RCAN1: variants seen among roughly 807,000 people sequenced by gnomAD.
The protein encoded by RCAN1 is regulator of calcineurin 1.
RCAN1 carries 11 observed loss-of-function variants against 22.9 expected under a neutral mutation model. The ratio of observed to expected loss-of-function variants is 0.48; its 90% CI spans 0.30 to 0.79. The LOEUF (loss-of-function observed/expected upper bound fraction) is 0.79, where lower values mean the gene tolerates loss of function less well. Among genes scored for constraint, RCAN1 ranks in the 30% least tolerant of loss-of-function variants. The probability of loss-of-function intolerance (pLI) is 0.06; values close to 1 mark genes in which losing one functional copy is unlikely to be tolerated. For missense variants in RCAN1, 291 were observed against 337.8 expected (o/e 0.86, Z 1.09); for synonymous variants, 136 against 142.3 (o/e 0.96, Z 0.32).
chr21:34,614,925 C>G lies in RCAN1; in HGVS notation c.87G>C (p.Thr29=). 1 of 1,377,852 alleles carries G rather than the reference C, an allele frequency of 7.3e-7. No individual in the cohort carries two copies. The highest frequency in any genetic ancestry group is 9.5e-7 in the Non-Finnish European group (1 of 1,055,454). The allele number at this position is 1,377,852 out of a possible 1,614,324, so 85.4% of individuals were successfully genotyped here. ...CCGAGAGGGGCGCGAAGGGCCGCAG[C>G]GTCACCCCGGGCCGCGCTCGCGCCT... is the stretch of plus-strand genomic sequence containing the variant. The part of the protein sequence containing the change: ...AAEARARPGV[T]LRPFAPLSGA... Residue 29 remains threonine (T), a synonymous_variant, in exon 1 of 4, where the codon ACG becomes ACC. Coordinates refer to ENST00000313806, the MANE Select transcript of RCAN1 (RefSeq NM_004414.7). This position sits in a 1 kb window ranked among gnomAD's most constrained non-coding sequence, Gnocchi z 6.0.
At chr21:34,566,679 G>A (rs1987019758) in intron 1 of RCAN1, among the ~76,000 whole-genome samples, 1 of 152,180 alleles carries the variant, frequency 6.6e-6, no homozygotes. Context: ...CTGAGACTGT[G>A]TAATGTATAA....
intron 1 of RCAN1, among the ~76,000 whole-genome samples, chr21:34,544,292 C>T (rs971548972): frequency 1.7e-4 from 26 of 152,120 alleles, no homozygotes; most frequent in African/African-American, 4.8e-4. Context: ...TTTCTGAAGT[C>T]GGAGAAAGGA....
At chr21:34,602,698 G>A (rs192605253) in intron 1 of RCAN1, among the ~76,000 whole-genome samples, 4 of 152,272 alleles carry the variant, frequency 2.6e-5, no homozygotes, top group East Asian at 3.9e-4. Flanking sequence ...GGAATCATCC[G>A]GGTGACCTGC....
At chr21:34,522,755 G>C (rs2123576664) in intron 2 of RCAN1, 1 of 152,198 alleles carries the variant, frequency 6.6e-6, no homozygotes, top group East Asian at 1.9e-4. Context: ...GGTGCTCAGA[G>C]CCTGAGGGGG....
intron 1 of RCAN1, among the ~76,000 whole-genome samples, chr21:34,610,175 C>T (rs919947107): frequency 2.0e-5 from 3 of 152,126 alleles, no homozygotes; most frequent in African/African-American, 7.2e-5. Context: ...CAGGCAGAAA[C>T]GCAGCCAAGT....
intron 1 of RCAN1, among the ~76,000 whole-genome samples, chr21:34,539,710 G>A (rs1287175344): frequency 1.3e-5 from 2 of 152,206 alleles, no homozygotes; most frequent in East Asian, 1.9e-4. Context: ...TTGGTATCAC[G>A]GCTTTTAATA....
chr21:34,517,271 A>G lies in RCAN1; in HGVS notation c.*813T>C, dbSNP rs1984107797. On this transcript the variant is annotated 3_prime_UTR_variant, in exon 4 of 4. Transcript: ENST00000313806. ...ACACCTAAACTAAAATTTCTCACCCACTAAAAGTTGGCAGTGAAACTGCTA... is the reference window on the plus strand; with the variant it reads ...ACACCTAAACTAAAATTTCTCACCCGCTAAAAGTTGGCAGTGAAACTGCTA... 1 of 152,234 alleles carries G rather than the reference A, an allele frequency of 6.6e-6. No homozygotes were observed. Among genetic ancestry groups the G allele is most frequent in the South Asian group, 2.1e-4 (1 of 4,836 alleles). 9.4% of individuals were successfully genotyped at this position (152,234 alleles called of 1,614,324 possible).
chr21:34,535,773 G>C (rs1985639379), intron 1 of RCAN1, among the ~76,000 whole-genome samples: 1 of 151,904 alleles, frequency 6.6e-6, no homozygotes, highest in Admixed American at 6.6e-5. Context: ...TGACCAAAAT[G>C]ATGGCTGCAA....
chr21:34,580,975 G>T, intron 1 of RCAN1, among the ~76,000 whole-genome samples: 1 of 152,180 alleles, frequency 6.6e-6, no homozygotes, highest in African/African-American at 2.4e-5. Context: ...GAAGAAGAGA[G>T]TTTTAGGCCA....
At chr21:34,521,758 TC>T in intron 2 of RCAN1, 100 bp from the exon 3 acceptor site, 1 of 986,594 alleles carries the variant, frequency 1.0e-6, no homozygotes, top group Non-Finnish European at 1.5e-6. Flanking sequence ...CAGGTCAATG[TC>T]CAGGCGTCAG....
intron 1 of RCAN1, among the ~76,000 whole-genome samples, chr21:34,533,197 T>C (rs981501773): frequency 2.0e-5 from 3 of 152,114 alleles, no homozygotes; most frequent in Non-Finnish European, 4.4e-5. Flanking sequence ...CCTGACCTCA[T>C]GATCTGCCTG....
At chr21:34,583,786 T>C (rs62211903) in intron 1 of RCAN1, among the ~76,000 whole-genome samples, 9,549 of 152,184 alleles carry the variant, frequency 0.063, 436 homozygotes, top group East Asian at 0.23. Flanking sequence ...TGCTTTGAAT[T>C]GCTATGAGTT....
chr21:34,610,353 T>A (rs995850275), intron 1 of RCAN1, among the ~76,000 whole-genome samples: 1 of 152,132 alleles, frequency 6.6e-6, no homozygotes, highest in Admixed American at 6.5e-5. Flanking sequence ...GCAGCACCCA[T>A]TAAGGCGAAC....
chr21:34,551,762 T>C (rs886225119), intron 1 of RCAN1, among the ~76,000 whole-genome samples: 2 of 152,078 alleles, frequency 1.3e-5, no homozygotes, highest in Non-Finnish European at 2.9e-5. Context: ...TCTCCCTGAA[T>C]GTTGGAGGAT....
chr21:34,538,410 C>A (rs1345766736), intron 1 of RCAN1, among the ~76,000 whole-genome samples: 1 of 152,140 alleles, frequency 6.6e-6, no homozygotes, highest in Non-Finnish European at 1.5e-5. Flanking sequence ...AGGGAGGACA[C>A]AGTGGCTCTA....
At chr21:34,597,476 G>A (rs1245174762) in intron 1 of RCAN1, among the ~76,000 whole-genome samples, 1 of 152,158 alleles carries the variant, frequency 6.6e-6, no homozygotes, top group Non-Finnish European at 1.5e-5. Flanking sequence ...GAACGTTCGG[G>A]AAGCTGCTTC....
chr21:34,566,890 T>C (rs909326982), intron 1 of RCAN1, among the ~76,000 whole-genome samples: 1 of 152,042 alleles, frequency 6.6e-6, no homozygotes, highest in South Asian at 2.1e-4. Flanking sequence ...TGTGAACTCA[T>C]AGAGTAAGAA....
At chr21:34,572,289 C>T (rs1239593681) in intron 1 of RCAN1, among the ~76,000 whole-genome samples, 1 of 152,148 alleles carries the variant, frequency 6.6e-6, no homozygotes, top group Non-Finnish European at 1.5e-5. Context: ...GGTCCCGGAC[C>T]CACTGCTTCT....
chr21:34,534,763 G>A (rs537402017), intron 1 of RCAN1, among the ~76,000 whole-genome samples: 1 of 152,172 alleles, frequency 6.6e-6, no homozygotes, highest in African/African-American at 2.4e-5. Flanking sequence ...CAGGCCTCAG[G>A]GGAAGCACTG....
Sources: gnomAD v4.1 joint callset for allele counts (sites outside exome capture counted in the v4.1 genomes callset) on GRCh38, gnomAD v4.1.1 for gene constraint, Gnocchi (gnomAD v3.1) non-coding constraint, MANE v1.5 for transcripts, NCBI Gene and HGNC (gene_info 2026-07-23, HGNC 2026-07-21) for gene names.